Variants in HECW2 observed in about 807,000 individuals in gnomAD.
HECW2 encodes the protein HECT, C2 and WW domain containing E3 ubiquitin protein ligase 2.
In HECW2, 61 loss-of-function variants were observed where a neutral mutation model predicts 175.2. That is an observed-to-expected ratio of 0.35 (90% CI 0.28 to 0.43). HECW2 has a LOEUF of 0.43. Ranked by LOEUF, HECW2 falls within the 20% of genes least tolerant of loss-of-function variation. The pLI is 1.00. For synonymous variants in HECW2, 671 were observed against 731.0 expected, an observed-to-expected ratio of 0.92 and a Z score of 1.32; for missense variants, 1,524 against 2,000.5, an observed-to-expected ratio of 0.76 and a Z score of 4.54.
At chr2:196,213,897 T>G (rs907377689) in intron 28 of HECW2, among the ~76,000 whole-genome samples, 55 of 152,058 alleles carry the variant, frequency 3.6e-4, no homozygotes, top group African/African-American at 1.3e-3. Flanking sequence ...AATGAGAAAA[T>G]CAAGGCTCAA....
chr2:196,287,651 T>C lies in HECW2; in HGVS notation c.3000+4914A>G, dbSNP rs146529332. ...TTTTCTCATTATCCAAGTCATCTTGTAGCATTCTCTCAGTTTGACTCTCTG... is the reference window on the plus strand; with the variant it reads ...TTTTCTCATTATCCAAGTCATCTTGCAGCATTCTCTCAGTTTGACTCTCTG... On this transcript the variant is annotated intron_variant, in intron 14 of 28. Coordinates refer to ENST00000644978, the MANE Select transcript of HECW2 (RefSeq NM_001348768.2). Among the ~76,000 whole-genome samples the C allele has an allele frequency of 2.0e-3, 310 of 152,346 alleles. 4 individuals carry two copies. In the East Asian group the frequency reaches 0.035, roughly 17 times the overall value.
chr2:196,422,714 A>G (rs2125248927), intron 2 of HECW2, among the ~76,000 whole-genome samples: 1 of 152,300 alleles, frequency 6.6e-6, no homozygotes, highest in Non-Finnish European at 1.5e-5. Context: ...AAACAATTAC[A>G]TGTTCAAAGC....
chr2:196,375,857 C>G lies in HECW2; in HGVS notation c.293-32093G>C, dbSNP rs141773675. 5.2e-3 allele frequency among the ~76,000 whole-genome samples: 794 copies of G among 152,342 alleles called. 5 individuals are homozygous for G. Among genetic ancestry groups the G allele is most frequent in the Non-Finnish European group, 8.6e-3 (584 of 68,038 alleles). On this transcript the variant is annotated intron_variant, in intron 2 of 28. Coordinates refer to ENST00000644978, the MANE Select transcript of HECW2 (RefSeq NM_001348768.2). Reference sequence around the variant, plus strand: ...TATGAATGACACTTGTTCTATATCACCAATGCCATACATTTTTCCAAGGCT... The same window carrying G: ...TATGAATGACACTTGTTCTATATCAGCAATGCCATACATTTTTCCAAGGCT...
At chr2:196,299,722 G>A (rs1196283435) in intron 13 of HECW2, among the ~76,000 whole-genome samples, 8 of 152,178 alleles carry the variant, frequency 5.3e-5, no homozygotes, top group Non-Finnish European at 1.2e-4. Context: ...GAGGTCAGGA[G>A]ATCGAGACCA....
intron 2 of HECW2, among the ~76,000 whole-genome samples, chr2:196,412,230 T>C (rs79591309): frequency 0.039 from 5,944 of 152,250 alleles, 168 homozygotes; most frequent in Non-Finnish European, 0.055. Flanking sequence ...GACCAGGTTG[T>C]TTTCTTTTGC....
chr2:196,591,622 C>T (rs1236837221), intron 1 of HECW2, among the ~76,000 whole-genome samples: 1 of 152,102 alleles, frequency 6.6e-6, no homozygotes, highest in Non-Finnish European at 1.5e-5. Flanking sequence ...ATCAAAATGT[C>T]TTTGCCACCC....
chr2:196,282,172 G>A (rs1040926127), intron 14 of HECW2, among the ~76,000 whole-genome samples: 1 of 152,176 alleles, frequency 6.6e-6, no homozygotes, highest in Non-Finnish European at 1.5e-5. Flanking sequence ...GTAAGTATGT[G>A]TGGCCGAGAC....
At chr2:196,338,214 T>C (rs939594669) in intron 3 of HECW2, among the ~76,000 whole-genome samples, 2 of 152,114 alleles carry the variant, frequency 1.3e-5, no homozygotes, top group African/African-American at 4.8e-5. Flanking sequence ...GTAAAGGGGT[T>C]TCTGTAACTG....
intron 2 of HECW2, among the ~76,000 whole-genome samples, chr2:196,379,254 C>T (rs556144237): frequency 6.6e-6 from 1 of 152,272 alleles, no homozygotes; most frequent in Non-Finnish European, 1.5e-5. Flanking sequence ...AACTAACCTA[C>T]AATCAAGCCT....
chr2:196,366,251 A>T lies in HECW2; in HGVS notation c.293-22487T>A, dbSNP rs184584624. 2.4e-3 allele frequency among the ~76,000 whole-genome samples: 362 copies of T among 152,342 alleles called. 1 individual carries two copies. Among genetic ancestry groups the T allele is most frequent in the African/African-American group, 7.9e-3 (329 of 41,586 alleles). On this transcript the variant is annotated intron_variant, in intron 2 of 28. Transcript: ENST00000644978. ...GAAATTTGTGTGGTACAATGAGTTT[A>T]GTAAAAGTAATTAAGGACTTGTTAC...
At chr2:196,287,987 CTT>C (rs564090395) in intron 14 of HECW2, 2 of 144,150 alleles carry the variant, frequency 1.4e-5, no homozygotes, top group Non-Finnish European at 3.0e-5. Flanking sequence ...GGCACACATC[CTT>C]TTTTTTTTTT....
At chr2:196,310,513 G>C (rs1559030261) in intron 10 of HECW2, among the ~76,000 whole-genome samples, 2 of 152,202 alleles carry the variant, frequency 1.3e-5, no homozygotes, top group Non-Finnish European at 2.9e-5. Context: ...GCTCTCTGTT[G>C]TATCTATCAA....
chr2:196,242,004 C>T, intron 20 of HECW2, 80 bp downstream of exon 20: 1 of 1,363,040 alleles, frequency 7.3e-7, no homozygotes, highest in Admixed American at 1.9e-5. Flanking sequence ...TCCCAAATCA[C>T]AATCAATTTC....
intron 1 of HECW2, among the ~76,000 whole-genome samples, chr2:196,523,005 T>C (rs944000414): frequency 9.6e-4 from 146 of 151,992 alleles, no homozygotes; most frequent in African/African-American, 3.4e-3. Flanking sequence ...TTTTTTCCAA[T>C]TCTGTGAAGA....
chr2:196,393,700 T>C (rs996847962), intron 2 of HECW2, among the ~76,000 whole-genome samples: 3 of 152,216 alleles, frequency 2.0e-5, no homozygotes, highest in Non-Finnish European at 4.4e-5. Context: ...TTTTACACTG[T>C]TGGTGGGATT....
chr2:196,527,360 G>T, intron 1 of HECW2, among the ~76,000 whole-genome samples: 1 of 152,254 alleles, frequency 6.6e-6, no homozygotes, highest in Non-Finnish European at 1.5e-5. Flanking sequence ...CGCACCCACT[G>T]GCCTGCGCCC....
chr2:196,308,320 T>C (rs1213403845), intron 10 of HECW2, among the ~76,000 whole-genome samples: 1 of 152,218 alleles, frequency 6.6e-6, no homozygotes, highest in African/African-American at 2.4e-5. Context: ...TCTTTAAATG[T>C]AGAGAATCTT....
chr2:196,223,456 A>G (rs1190965929), intron 23 of HECW2, among the ~76,000 whole-genome samples: 3 of 152,168 alleles, frequency 2.0e-5, no homozygotes, highest in Non-Finnish European at 1.5e-5. Context: ...AAGGAGGAGA[A>G]GGGGAAAGAG....
chr2:196,242,469 C>A, intron 19 of HECW2: 2 of 438,856 alleles, frequency 4.6e-6, no homozygotes, highest in South Asian at 2.7e-5. Context: ...AAGTATGTTC[C>A]CCTTTTCAGT....
Sources: gnomAD v4.1 joint callset for allele counts (sites outside exome capture counted in the v4.1 genomes callset) on GRCh38, gnomAD v4.1.1 for gene constraint, MANE v1.5 for transcripts, NCBI Gene and HGNC (gene_info 2026-07-23, HGNC 2026-07-21) for gene names.